The following ADAM22 variants were observed in gnomAD, a reference collection of about 807,000 sequenced individuals.
ADAM22 encodes the protein ADAM metallopeptidase domain 22.
In ADAM22, 65 loss-of-function variants were observed where a neutral mutation model predicts 144.6. That is an observed-to-expected ratio of 0.45 (90% CI 0.37 to 0.55). The LOEUF is 0.55. Among genes scored for constraint, ADAM22 ranks in the 20% least tolerant of loss-of-function variants. The pLI is 0.00. For missense variants in ADAM22, 974 were observed against 1,184.9 expected, an observed-to-expected ratio of 0.82 and a Z score of 2.61; for synonymous variants, 391 against 412.6, an observed-to-expected ratio of 0.95 and a Z score of 0.63.
chr7:88,090,460 A>G (rs1819569066), intron 4 of ADAM22, among the ~76,000 whole-genome samples: 1 of 152,212 alleles, frequency 6.6e-6, no homozygotes, highest in South Asian at 2.1e-4. Flanking sequence ...TTTCAAGACC[A>G]TTCTCTGAAA....
At chr7:87,946,635 C>T (rs1357939643) in intron 2 of ADAM22, among the ~76,000 whole-genome samples, 2 of 152,094 alleles carry the variant, frequency 1.3e-5, no homozygotes, top group African/African-American at 4.8e-5. Context: ...TATTTTTGCC[C>T]ACTTTGTTGA....
At chr7:88,047,767 A>C (rs889075347) in intron 3 of ADAM22, among the ~76,000 whole-genome samples, 11 of 152,126 alleles carry the variant, frequency 7.2e-5, no homozygotes, top group African/African-American at 2.7e-4. Flanking sequence ...TTTTAGCGGG[A>C]TCTTTCACAA....
chr7:88,048,537 C>A (rs1805311808), intron 3 of ADAM22, among the ~76,000 whole-genome samples: 1 of 152,040 alleles, frequency 6.6e-6, no homozygotes, highest in East Asian at 1.9e-4. Flanking sequence ...AAAATTTCAT[C>A]TTTCAATATT....
At chr7:88,078,955 A>G (rs536814835) in intron 4 of ADAM22, among the ~76,000 whole-genome samples, 1 of 152,364 alleles carries the variant, frequency 6.6e-6, no homozygotes, top group East Asian at 1.9e-4. Flanking sequence ...TTCCCAATCT[A>G]GCAAGGCAGG....
intron 2 of ADAM22, among the ~76,000 whole-genome samples, chr7:87,975,916 G>T (rs1247521943): frequency 6.6e-6 from 1 of 152,116 alleles, no homozygotes; most frequent in Non-Finnish European, 1.5e-5. Context: ...AAACACAGTT[G>T]TTAGCACTCT....
At chr7:87,978,312 C>T in intron 2 of ADAM22, 24 bp from the exon 3 acceptor site, 1 of 1,595,958 alleles carries the variant, frequency 6.3e-7, no homozygotes, top group Non-Finnish European at 8.6e-7. Context: ...TAATAAATAA[C>T]CTTTTTTCTT....
chr7:88,101,281 G>T (rs2129486599), intron 4 of ADAM22, among the ~76,000 whole-genome samples: 1 of 152,192 alleles, frequency 6.6e-6, no homozygotes, highest in Admixed American at 6.6e-5. Context: ...AGGGTGACTG[G>T]CATGAGCTTC....
rs112503949 is a variant in ADAM22, at chr7:87,975,194, C to T, written c.247-3142C>T. On this transcript the variant is annotated intron_variant, in intron 2 of 31. Coordinates refer to ENST00000413139, the MANE Select transcript of ADAM22 (RefSeq NM_001324418.2). ...TCCTTCTGGAGGCCTTCTGAGACACCCTTAGACCTCCATCTTCCCTGGTCA... is the reference window on the plus strand; with the variant it reads ...TCCTTCTGGAGGCCTTCTGAGACACTCTTAGACCTCCATCTTCCCTGGTCA... Among the ~76,000 whole-genome samples the T allele has an allele frequency of 4.5e-3, 685 of 152,212 alleles. 2 individuals are homozygous for T. The highest frequency in any genetic ancestry group is 0.016 in the African/African-American group (646 of 41,526).
intron 3 of ADAM22, among the ~76,000 whole-genome samples, chr7:88,072,923 G>T (rs1393752174): frequency 6.6e-6 from 1 of 152,136 alleles, no homozygotes; most frequent in East Asian, 1.9e-4. Context: ...TTTGCCTGAG[G>T]CAGGTCTTTC....
intron 3 of ADAM22, among the ~76,000 whole-genome samples, chr7:88,002,850 A>G (rs867579829): frequency 3.3e-5 from 5 of 152,178 alleles, no homozygotes; most frequent in Non-Finnish European, 5.9e-5. Flanking sequence ...GACATAATTC[A>G]TTTTTAAGAA....
chr7:87,947,040 T>A (rs1468972984), intron 2 of ADAM22, among the ~76,000 whole-genome samples: 2 of 152,044 alleles, frequency 1.3e-5, no homozygotes, highest in East Asian at 3.9e-4. Context: ...TGGTAGATAC[T>A]GGGGACTAAG....
intron 4 of ADAM22, among the ~76,000 whole-genome samples, chr7:88,077,204 T>C (rs1189195313): frequency 6.6e-6 from 1 of 152,242 alleles, no homozygotes; most frequent in Non-Finnish European, 1.5e-5. Context: ...TTATTTAAAC[T>C]GTTATCAGTA....
At chr7:88,107,293 C>A (rs1434501645) in intron 4 of ADAM22, among the ~76,000 whole-genome samples, 1 of 150,292 alleles carries the variant, frequency 6.7e-6, no homozygotes, top group Non-Finnish European at 1.5e-5. Context: ...CCTCCACTTC[C>A]CTGGTTCAAG....
chr7:87,995,630 A>C (rs1231990572), intron 3 of ADAM22, among the ~76,000 whole-genome samples: 1 of 152,166 alleles, frequency 6.6e-6, no homozygotes, highest in Non-Finnish European at 1.5e-5. Context: ...GCTGAATCAG[A>C]ATCGCTGATG....
intron 7 of ADAM22, among the ~76,000 whole-genome samples, chr7:88,120,316 A>T (rs1828951125): frequency 6.6e-6 from 1 of 151,878 alleles, no homozygotes; most frequent in South Asian, 2.1e-4. Context: ...TCCTAATGCT[A>T]TCCCTCCCCC....
chr7:87,936,163 A>T (rs1317222330), intron 2 of ADAM22, among the ~76,000 whole-genome samples: 1 of 151,582 alleles, frequency 6.6e-6, no homozygotes, highest in East Asian at 1.9e-4. Context: ...AAATATGTAA[A>T]AATAGAAAAT....
At chr7:87,941,665 A>AG (rs1324016949) in intron 2 of ADAM22, among the ~76,000 whole-genome samples, 1 of 152,176 alleles carries the variant, frequency 6.6e-6, no homozygotes, top group Non-Finnish European at 1.5e-5. Context: ...TGTAAAAAAA[A>AG]GTAAAATTCA....
At chr7:88,138,036 C>T (rs1470273707) in intron 14 of ADAM22, among the ~76,000 whole-genome samples, 2 of 152,026 alleles carry the variant, frequency 1.3e-5, no homozygotes, top group African/African-American at 4.8e-5. Context: ...CACCTGTAGT[C>T]CCAGCTACTT....
chr7:88,153,229 G>A lies in ADAM22; in HGVS notation c.1690G>A (p.Ala564Thr), dbSNP rs751340376. The change falls in exon 21 of 32, where the codon GCA becomes ACA. Residue 564 changes from alanine to threonine, a missense_variant. Coordinates refer to ENST00000413139, the MANE Select transcript of ADAM22 (RefSeq NM_001324418.2). Reference sequence around the variant, plus strand: ...ATTTTTTTCTGCCTTAGAGGTGACAGCATCAGACAAATATTGCTATGAGAA... The same window carrying A: ...ATTTTTTTCTGCCTTAGAGGTGACAACATCAGACAAATATTGCTATGAGAA... ...CKYIWGQKVT[A>T]SDKYCYEKLN... 2 of 1,612,638 alleles carry A rather than the reference G, an allele frequency of 1.2e-6. No individual in the cohort carries two copies. The highest frequency in any genetic ancestry group is 2.2e-5 in the South Asian group (2 of 90,784).
Sources: gnomAD v4.1 joint callset for allele counts (sites outside exome capture counted in the v4.1 genomes callset) on GRCh38, gnomAD v4.1.1 for gene constraint, MANE v1.5 for transcripts, NCBI Gene and HGNC (gene_info 2026-07-23, HGNC 2026-07-21) for gene names.